The following AUTS2 variants were observed in gnomAD, a reference collection of about 807,000 sequenced individuals.
AUTS2 encodes the protein activator of transcription and developmental regulator AUTS2.
A neutral mutation model predicts 112.4 loss-of-function variants in AUTS2; 17 were observed. The ratio of observed to expected loss-of-function variants is 0.15; its 90% CI spans 0.10 to 0.23. AUTS2 has a LOEUF of 0.23. Among genes scored for constraint, AUTS2 ranks in the 10% least tolerant of loss-of-function variants. The probability of loss-of-function intolerance (pLI) is 1.00; values close to 1 mark genes in which losing one functional copy is unlikely to be tolerated. For missense variants in AUTS2, 1,510 were observed against 1,701.6 expected, an observed-to-expected ratio of 0.89 and a Z score of 1.98; for synonymous variants, 751 against 702.7, an observed-to-expected ratio of 1.07 and a Z score of -1.09.
intron 5 of AUTS2, among the ~76,000 whole-genome samples, chr7:70,447,765 C>CT (rs1796374569): frequency 6.6e-6 from 1 of 152,210 alleles, no homozygotes; most frequent in Admixed American, 6.5e-5. Context: ...TGTTGTAACT[C>CT]TAACATCCAA....
At chr7:69,607,036 G>T (rs532249158) in intron 1 of AUTS2, among the ~76,000 whole-genome samples, 106 of 152,284 alleles carry the variant, frequency 7.0e-4, no homozygotes, top group African/African-American at 2.5e-3. Context: ...ATACTGTGAG[G>T]TCACAAAGAA....
chr7:69,609,267 C>A (rs1308949590), intron 1 of AUTS2, among the ~76,000 whole-genome samples: 1 of 152,142 alleles, frequency 6.6e-6, no homozygotes, highest in Non-Finnish European at 1.5e-5. Context: ...AGTCTTACTA[C>A]AAATGTGGAT....
intron 5 of AUTS2, among the ~76,000 whole-genome samples, chr7:70,533,517 G>A (rs1800182617): frequency 6.6e-6 from 1 of 152,168 alleles, no homozygotes; most frequent in Non-Finnish European, 1.5e-5. Context: ...CAAAAGAGCT[G>A]TTCCAGACTG....
intron 5 of AUTS2, among the ~76,000 whole-genome samples, chr7:70,629,486 A>G (rs1805144103): frequency 6.8e-6 from 1 of 148,134 alleles, no homozygotes; most frequent in South Asian, 2.1e-4. Context: ...AAAGGGAAGA[A>G]AAAAAAAAAG....
intron 1 of AUTS2, among the ~76,000 whole-genome samples, chr7:69,631,560 G>A (rs183240907): frequency 6.6e-6 from 1 of 152,210 alleles, no homozygotes; most frequent in Admixed American, 6.5e-5. Flanking sequence ...GCATAGGCAA[G>A]GTTCATTCCA....
chr7:70,575,424 C>T (rs1802121435), intron 5 of AUTS2, among the ~76,000 whole-genome samples: 1 of 152,084 alleles, frequency 6.6e-6, no homozygotes, highest in African/African-American at 2.4e-5. Flanking sequence ...TCCACCCCCA[C>T]CCTCAGCCCC....
chr7:70,260,911 G>A (rs1426697229), intron 4 of AUTS2, among the ~76,000 whole-genome samples: 1 of 151,952 alleles, frequency 6.6e-6, no homozygotes, highest in Non-Finnish European at 1.5e-5. Context: ...CACCACAGCT[G>A]GCTAATTTTT....
At chr7:70,753,922 C>G (rs375211077) in intron 6 of AUTS2, among the ~76,000 whole-genome samples, 2 of 151,732 alleles carry the variant, frequency 1.3e-5, no homozygotes, top group Admixed American at 6.6e-5. Flanking sequence ...TTTGGGAGGC[C>G]GAGGCGGGTG....
At chr7:69,985,462 T>A (rs1798472039) in intron 2 of AUTS2, among the ~76,000 whole-genome samples, 1 of 152,190 alleles carries the variant, frequency 6.6e-6, no homozygotes. Context: ...CAATATGATC[T>A]TTTCAAAACA....
intron 5 of AUTS2, among the ~76,000 whole-genome samples, chr7:70,583,207 C>T (rs961858532): frequency 6.6e-6 from 1 of 152,126 alleles, no homozygotes; most frequent in African/African-American, 2.4e-5. Flanking sequence ...CAAATTTTTC[C>T]CTTTAGTTAA....
In AUTS2 at chr7:70,502,282, G is replaced by A. The variant is rs145238789; in HGVS notation, c.690+66501G>A. Among the ~76,000 whole-genome samples, 721 of 152,274 alleles carry A rather than the reference G, an allele frequency of 4.7e-3. 3 individuals are homozygous for A. Among genetic ancestry groups the A allele is most frequent in the Non-Finnish European group, 6.4e-3 (432 of 68,028 alleles). On this transcript the variant is annotated intron_variant, in intron 5 of 18. Transcript: ENST00000342771. ...CTCCAGCCATGTTTATCTTGGCTCC[G>A]TATTAATGGCACACCTTCTGAATGT...
At chr7:69,771,504 G>A (rs1318575412) in intron 1 of AUTS2, among the ~76,000 whole-genome samples, 1 of 152,206 alleles carries the variant, frequency 6.6e-6, no homozygotes, top group Non-Finnish European at 1.5e-5. Context: ...GATGGTTTCA[G>A]TGCAGCGTGG....
intron 4 of AUTS2, among the ~76,000 whole-genome samples, chr7:70,400,685 G>A (rs970643607): frequency 1.7e-4 from 26 of 152,162 alleles, no homozygotes; most frequent in Admixed American, 3.9e-4. Flanking sequence ...GGTAAGCAAG[G>A]AGAGTCACTG....
chr7:70,757,636 A>T (rs1331278918), intron 6 of AUTS2, among the ~76,000 whole-genome samples: 1 of 151,668 alleles, frequency 6.6e-6, no homozygotes, highest in Non-Finnish European at 1.5e-5. Context: ...CATAAAATCC[A>T]TTTTATTTTC....
At chr7:69,802,803 G>A (rs1208496161) in intron 1 of AUTS2, among the ~76,000 whole-genome samples, 1 of 152,164 alleles carries the variant, frequency 6.6e-6, no homozygotes, top group African/African-American at 2.4e-5. Flanking sequence ...TATGCTGCTG[G>A]AGAGCCCAAG....
At chr7:70,122,977 G>A (rs1296188992) in intron 3 of AUTS2, among the ~76,000 whole-genome samples, 1 of 148,640 alleles carries the variant, frequency 6.7e-6, no homozygotes, top group Non-Finnish European at 1.5e-5. Flanking sequence ...CTGGGTTCAA[G>A]CGATTCTCCT....
chr7:70,491,798 A>G (rs1798256864), intron 5 of AUTS2, among the ~76,000 whole-genome samples: 2 of 151,924 alleles, frequency 1.3e-5, no homozygotes, highest in South Asian at 4.2e-4. Flanking sequence ...TATTTTTAGT[A>G]GAGATGCGGT....
At chr7:70,204,472 G>A (rs528132703) in intron 4 of AUTS2, among the ~76,000 whole-genome samples, 1 of 152,154 alleles carries the variant, frequency 6.6e-6, no homozygotes, top group African/African-American at 2.4e-5. Flanking sequence ...AAGAGACAGA[G>A]AAAATATGTT....
intron 4 of AUTS2, among the ~76,000 whole-genome samples, chr7:70,412,157 A>G (rs1285325181): frequency 1.3e-5 from 2 of 152,002 alleles, no homozygotes; most frequent in Non-Finnish European, 2.9e-5. Context: ...GGCCTCCCAA[A>G]GTGCTGGGAT....
Sources: gnomAD v4.1 joint callset for allele counts (sites outside exome capture counted in the v4.1 genomes callset) on GRCh38, gnomAD v4.1.1 for gene constraint, MANE v1.5 for transcripts, NCBI Gene and HGNC (gene_info 2026-07-23, HGNC 2026-07-21) for gene names.